WDR76: variants seen among roughly 807,000 people sequenced by gnomAD.
The protein encoded by WDR76 is WD repeat domain 76.
Under a neutral mutation model 70.2 loss-of-function variants are expected in WDR76, and 52 were observed. The observed-to-expected ratio is 0.74, with a 90% CI of 0.59 to 0.93. The LOEUF is 0.93. Ranked by LOEUF, WDR76 falls within the 40% of genes least tolerant of loss-of-function variation. WDR76 has a pLI of 0.00. For missense variants in WDR76, 756 were observed against 760.2 expected, an observed-to-expected ratio of 0.99 and a Z score of 0.07; for synonymous variants, 292 against 271.1, an observed-to-expected ratio of 1.08 and a Z score of -0.76.
intron 9 of WDR76, among the ~76,000 whole-genome samples, chr15:43,853,685 C>G (rs1277623796): frequency 1.3e-5 from 2 of 151,946 alleles, no homozygotes; most frequent in Admixed American, 6.6e-5. Flanking sequence ...GCGGGTGGAT[C>G]ACCTGAGGTC....
intron 8 of WDR76, among the ~76,000 whole-genome samples, chr15:43,849,004 G>T (rs767232061): frequency 7.1e-6 from 1 of 140,966 alleles, no homozygotes; most frequent in African/African-American, 2.7e-5. Context: ...GTGAAACCCC[G>T]TCTCCACTAA....
intron 8 of WDR76, among the ~76,000 whole-genome samples, chr15:43,850,044 T>A (rs2087837087): frequency 6.6e-6 from 1 of 152,036 alleles, no homozygotes; most frequent in Non-Finnish European, 1.5e-5. Context: ...CATTTTAAAA[T>A]TTAAAATAAA....
At chr15:43,843,854 A>G (rs760277728) in intron 7 of WDR76, 47 bp from the exon 8 acceptor site, 1 of 1,466,584 alleles carries the variant, frequency 6.8e-7, no homozygotes, top group Non-Finnish European at 9.1e-7. Context: ...TATTTTGACT[A>G]TTGAGATTGG....
chr15:43,860,599 C>T (rs1387619809), intron 11 of WDR76, among the ~76,000 whole-genome samples: 2 of 152,024 alleles, frequency 1.3e-5, no homozygotes, highest in Non-Finnish European at 2.9e-5. Flanking sequence ...AACTTACGGG[C>T]TCTAGCAATC....
intron 2 of WDR76, among the ~76,000 whole-genome samples, chr15:43,831,841 GT>G (rs943153573): frequency 1.3e-4 from 19 of 144,434 alleles, no homozygotes; most frequent in East Asian, 8.1e-4. Context: ...AAATTTTTTT[GT>G]TTTTTTTTTT....
At chr15:43,832,586 C>T (rs1438371139) in intron 2 of WDR76, among the ~76,000 whole-genome samples, 6 of 151,858 alleles carry the variant, frequency 4.0e-5, no homozygotes, top group Middle Eastern at 3.2e-3. Context: ...GCTAGGACTA[C>T]AGGCATGCGC....
intron 7 of WDR76, 133 bp from the exon 8 acceptor site, chr15:43,843,768 C>T: frequency 1.3e-6 from 1 of 776,282 alleles, no homozygotes; most frequent in Non-Finnish European, 1.9e-6. Context: ...ATTTGATTTC[C>T]TTGGTTACCA....
In WDR76 at chr15:43,842,368, T is replaced by C. The variant is rs1053708677; in HGVS notation, c.733-47T>C. ...TACCCTTGCCCTCCTTGTGTTTATA[T>C]TCTAGGGCAGGGAGCCCAACAAATA... On this transcript the variant is annotated intron_variant, in intron 5 of 12. Coordinates refer to ENST00000263795, the MANE Select transcript of WDR76 (RefSeq NM_024908.4). 6 of 1,568,354 alleles carry C rather than the reference T, an allele frequency of 3.8e-6. No individual in the cohort carries two copies. In the East Asian group the frequency reaches 1.3e-4, roughly 35 times the overall value.
chr15:43,858,687 G>A lies in WDR76; in HGVS notation c.1426G>A (p.Asp476Asn). Residue 476 changes from aspartate to asparagine, a missense_variant, in exon 11 of 13, where the codon GAT becomes AAT. Asp to Asn is a conservative substitution (Grantham distance 23, BLOSUM62 1). Coordinates refer to ENST00000263795, the MANE Select transcript of WDR76 (RefSeq NM_024908.4). ...CCATTACAGGGATACTCATATTTATGATGCAAGGCGATTGAATTCCAGGAG... is the reference window on the plus strand; with the variant it reads ...CCATTACAGGGATACTCATATTTATAATGCAAGGCGATTGAATTCCAGGAG... ...TAGLRDTHIY[D>N]ARRLNSRRSQ... 2 of 1,613,932 alleles carry A rather than the reference G, an allele frequency of 1.2e-6. No individual in the cohort carries two copies. The highest frequency in any genetic ancestry group is 1.7e-6 in the Non-Finnish European group (2 of 1,179,930).
intron 2 of WDR76, 138 bp downstream of exon 2, chr15:43,828,504 AT>A: frequency 2.6e-6 from 2 of 762,614 alleles, no homozygotes; most frequent in Non-Finnish European, 3.9e-6. Flanking sequence ...GTAATAATAC[AT>A]TTTTATTATT....
chr15:43,854,702 G>A (rs1273238294), intron 9 of WDR76, among the ~76,000 whole-genome samples: 4 of 150,818 alleles, frequency 2.7e-5, no homozygotes, highest in Non-Finnish European at 5.9e-5. Flanking sequence ...TAATCCCAGC[G>A]CTTTGGGAGG....
At chr15:43,851,619 A>G (rs2091454165) in intron 9 of WDR76, among the ~76,000 whole-genome samples, 1 of 151,372 alleles carries the variant, frequency 6.6e-6, no homozygotes, top group Admixed American at 6.6e-5. Flanking sequence ...AAAATAACTT[A>G]CTCTTCTGTT....
intron 3 of WDR76, among the ~76,000 whole-genome samples, 184 bp from the exon 4 acceptor site, chr15:43,835,977 C>CAGGG (rs2087650810): frequency 6.7e-6 from 1 of 149,730 alleles, no homozygotes; most frequent in Non-Finnish European, 1.5e-5. Flanking sequence ...TTTTTTGAGA[C>CAGGG]AGGGTCTCGC....
At chr15:43,856,825 T>G (rs947941521) in intron 9 of WDR76, 121 bp from the exon 10 acceptor site, 13 of 797,656 alleles carry the variant, frequency 1.6e-5, no homozygotes, top group Non-Finnish European at 2.4e-5. Context: ...ATGGGGATGA[T>G]GAGAGGATAA....
At chr15:43,834,211 C>T (rs889137151) in intron 2 of WDR76, among the ~76,000 whole-genome samples, 1 of 151,760 alleles carries the variant, frequency 6.6e-6, no homozygotes, top group East Asian at 1.9e-4. Context: ...CTTACTGTTA[C>T]ATTAGTGGCT....
intron 2 of WDR76, among the ~76,000 whole-genome samples, chr15:43,832,435 TTTTTTTTG>T (rs1434070533): frequency 2.6e-5 from 4 of 151,744 alleles, no homozygotes; most frequent in African/African-American, 9.7e-5. Flanking sequence ...CATCTTTGTT[TTTTTTTTG>T]TTTTTTTGTT....
In WDR76 at chr15:43,855,961, A is replaced by G. The variant is rs1471909245; in HGVS notation, c.1192-985A>G. ...CAAGTAACCGTTGTTGCATATCTTG[A>G]GTATGCTTCCACAAAGTACACCTAT... On this transcript the variant is annotated intron_variant, in intron 9 of 12. Transcript: ENST00000263795. Among the ~76,000 whole-genome samples the G allele has an allele frequency of 1.3e-5, 2 of 152,192 alleles. 1 individual carries two copies. Among genetic ancestry groups the G allele is most frequent in the East Asian group, 3.8e-4 (2 of 5,204 alleles).
intron 3 of WDR76, among the ~76,000 whole-genome samples, chr15:43,835,643 G>C (rs1176638373): frequency 6.6e-6 from 1 of 151,726 alleles, no homozygotes; most frequent in East Asian, 1.9e-4. Flanking sequence ...TTGATTCTAA[G>C]GCATTATTTT....
At chr15:43,833,655 C>T (rs1463809203) in intron 2 of WDR76, among the ~76,000 whole-genome samples, 3 of 146,862 alleles carry the variant, frequency 2.0e-5, no homozygotes, top group South Asian at 2.2e-4. Flanking sequence ...TTTTTTGAGA[C>T]GGAGTCTTGC....
Sources: gnomAD v4.1 joint callset for allele counts (sites outside exome capture counted in the v4.1 genomes callset) on GRCh38, gnomAD v4.1.1 for gene constraint, MANE v1.5 for transcripts, NCBI Gene and HGNC (gene_info 2026-07-23, HGNC 2026-07-21) for gene names.